KDM4A: variants seen among roughly 807,000 people sequenced by gnomAD.
KDM4A encodes lysine-specific demethylase 4A.
Under a neutral mutation model 127.1 loss-of-function variants are expected in KDM4A, and 23 were observed. The ratio of observed to expected loss-of-function variants is 0.18; its 90% CI spans 0.13 to 0.26. The LOEUF (loss-of-function observed/expected upper bound fraction) is 0.26. Ranked by LOEUF, KDM4A falls within the 10% of genes least tolerant of loss-of-function variation. The pLI is 1.00. For synonymous variants in KDM4A, 443 were observed against 466.5 expected, an observed-to-expected ratio of 0.95 and a Z score of 0.65; for missense variants, 890 against 1,329.1, an observed-to-expected ratio of 0.67 and a Z score of 5.14.
At chr1:43,670,263 C>T (rs532238530) in intron 10 of KDM4A, among the ~76,000 whole-genome samples, 61 of 152,216 alleles carry the variant, frequency 4.0e-4, no homozygotes, top group Non-Finnish European at 6.6e-4. Context: ...TGTGGTCTGC[C>T]GACAGCCAGG....
intron 2 of KDM4A, among the ~76,000 whole-genome samples, chr1:43,654,678 T>C (rs1660195185): frequency 6.7e-6 from 1 of 150,356 alleles, no homozygotes; most frequent in Non-Finnish European, 1.5e-5. Flanking sequence ...GTCCTTTCAG[T>C]GTTGCCTTAT....
At position 43,694,335 on chromosome 1, in the gene KDM4A, G is replaced by C. The variant is rs887645953; in HGVS notation, c.2484+233G>C. On this transcript the variant is annotated intron_variant, in intron 17 of 21. Coordinates refer to ENST00000372396, the MANE Select transcript of KDM4A (RefSeq NM_014663.3). The surrounding 1 kb of genome is among the most constrained non-coding windows in gnomAD (Gnocchi z 5.2). ...AGTTCAAGACCAGCCTGGGCAACAT[G>C]GTGAAACCCCGACTCTACTAAAAAT... Among the ~76,000 whole-genome samples, 1 of 152,010 alleles carries C rather than the reference G, an allele frequency of 6.6e-6. No homozygotes were observed. Among genetic ancestry groups the C allele is most frequent in the African/African-American group, 2.4e-5 (1 of 41,384 alleles).
In KDM4A at chr1:43,694,748, G is replaced by T; in HGVS notation, c.2524G>T (p.Gly842Cys). The T allele has an allele frequency of 6.2e-7, 1 of 1,613,406 alleles. No homozygotes were observed. The highest frequency in any genetic ancestry group is 8.5e-7 in the Non-Finnish European group (1 of 1,179,396). The change falls in exon 18 of 22, where the codon GGC becomes TGC. Residue 842 changes from glycine (G) to cysteine (C), a missense_variant. This residue lies in a region of KDM4A where 246 missense variants were observed against 418.4 expected (regional missense o/e 0.59). Coordinates refer to ENST00000372396, the MANE Select transcript of KDM4A (RefSeq NM_014663.3). The surrounding 1 kb of genome is among the most constrained non-coding windows in gnomAD (Gnocchi z 5.2). ...TAAGAAGCGGAGGAAAAGAACTGCT[G>T]GCTGCTGTGTGCAGTGTTCTCACGG... is the stretch of plus-strand genomic sequence containing the variant. Reference protein sequence around the residue: ...FCKKRRKRTAGCCVQCSHGRC... With the variant: ...FCKKRRKRTACCCVQCSHGRC...
At chr1:43,697,168 C>G (rs1433440156) in intron 18 of KDM4A, among the ~76,000 whole-genome samples, 1 of 152,162 alleles carries the variant, frequency 6.6e-6, no homozygotes, top group East Asian at 1.9e-4. Context: ...GCACATATGG[C>G]ACACTCATTC....
At position 43,661,625 on chromosome 1, in the gene KDM4A, A is replaced by G. The variant is rs918060337; in HGVS notation, c.429+1213A>G. The stretch of plus-strand genomic sequence containing the variant: ...CTCTGTCTCAAAAAAAAAAAAAAAA[A>G]AAAAAAAAAAAAAAAGAATTCCAGT... On this transcript the variant is annotated intron_variant, in intron 4 of 21. Coordinates refer to ENST00000372396, the MANE Select transcript of KDM4A (RefSeq NM_014663.3). Among the ~76,000 whole-genome samples the G allele has an allele frequency of 2.4e-4, 35 of 147,676 alleles. 2 individuals carry two copies. In the South Asian group the frequency reaches 6.5e-3, roughly 27 times the overall value.
In KDM4A at chr1:43,653,387, C is replaced by T; in HGVS notation, c.138+74C>T. 5 of 1,429,094 alleles carry T rather than the reference C, an allele frequency of 3.5e-6. 1 individual carries two copies. The South Asian group carries it at 4.4e-5, about 13-fold the overall frequency. The allele number at this position is 1,429,094 out of a possible 1,614,324, so 88.5% of individuals were successfully genotyped here. A position where few individuals can be genotyped will look rare whatever the true frequency, so the allele number is the denominator to read the frequency against. Reference sequence around the variant, plus strand: ...GTAAGATTTTTTTCCTACATTTGGGCCGGAACTGTGTTTTACTGAAAGTTG... The same window carrying T: ...GTAAGATTTTTTTCCTACATTTGGGTCGGAACTGTGTTTTACTGAAAGTTG... On this transcript the variant is annotated intron_variant, in intron 2 of 21. Coordinates refer to ENST00000372396, the MANE Select transcript of KDM4A (RefSeq NM_014663.3).
intron 5 of KDM4A, 49 bp from the exon 6 acceptor site, chr1:43,665,647 T>A (rs1430381820): frequency 6.3e-7 from 1 of 1,588,298 alleles, no homozygotes; most frequent in East Asian, 2.2e-5. Flanking sequence ...GTCCCTTAGC[T>A]TCTGTACCTG....
intron 19 of KDM4A, chr1:43,703,252 CAT>C (rs200425883): frequency 0.012 from 2,052 of 164,642 alleles, 51 homozygotes; most frequent in African/African-American, 0.047. Flanking sequence ...AAAAAAAACA[CAT>C]GTCTTATAGT....
intron 11 of KDM4A, among the ~76,000 whole-genome samples, chr1:43,675,127 A>G (rs1227185694): frequency 6.6e-6 from 1 of 152,034 alleles, no homozygotes; most frequent in Non-Finnish European, 1.5e-5. Context: ...TGATGATAAT[A>G]CCCTAATAAA....
intron 19 of KDM4A, among the ~76,000 whole-genome samples, chr1:43,698,419 T>A (rs1661297146): frequency 6.6e-6 from 1 of 152,198 alleles, no homozygotes; most frequent in African/African-American, 2.4e-5. Context: ...TTAGTAGATG[T>A]ATAGAATCTG....
intron 4 of KDM4A, among the ~76,000 whole-genome samples, chr1:43,661,175 A>C (rs1415717042): frequency 6.6e-6 from 1 of 151,814 alleles, no homozygotes; most frequent in Non-Finnish European, 1.5e-5. Context: ...GGGTTTCTCC[A>C]TGTTGCTCAG....
chr1:43,699,736 T>A (rs550899605), intron 19 of KDM4A: 1 of 151,984 alleles, frequency 6.6e-6, no homozygotes, highest in South Asian at 2.1e-4. Flanking sequence ...TTTTTTTTTT[T>A]TTTGAGATGG....
At chr1:43,667,239 T>TTA in intron 8 of KDM4A, 148 bp downstream of exon 8, 1 of 883,504 alleles carries the variant, frequency 1.1e-6, no homozygotes, top group South Asian at 1.7e-5. Context: ...TAACATTTTG[T>TTA]GTTCATAAGG....
chr1:43,653,104 A>G lies in KDM4A; in HGVS notation c.-39-33A>G, dbSNP rs1038431997. 9 of 1,128,288 alleles carry G rather than the reference A, an allele frequency of 8.0e-6. No homozygotes were observed. The Admixed American group carries it at 1.7e-4, about 22-fold the overall frequency. 69.9% of individuals were successfully genotyped at this position (1,128,288 alleles called of 1,614,324 possible). A position where few individuals can be genotyped will look rare whatever the true frequency, so the allele number is the denominator to read the frequency against. On this transcript the variant is annotated intron_variant, in intron 1 of 21. Coordinates refer to ENST00000372396, the MANE Select transcript of KDM4A (RefSeq NM_014663.3). ...TTTCCAGCACTTAATTTTAATTTTT[A>G]TATTATTTTATACTCTTAATGTGTT...
At position 43,671,603 on chromosome 1, in the gene KDM4A, C is replaced by T. The variant is rs150730301; in HGVS notation, c.1462C>T (p.Leu488Phe). ...EEEQAAAALD[L>F]SVNPASVGGR... is the part of the protein sequence containing the mutation. ...AGAACAAGCAGCAGCTGCCTTGGAT[C>T]TTTCTGTGAATCCTGCGTCTGTAGG... Residue 488 changes from leucine (L) to phenylalanine (F), a missense_variant, in exon 11 of 22, where the codon CTT (leucine) becomes TTT (phenylalanine). Leu to Phe is a conservative substitution (Grantham distance 22, BLOSUM62 0). Coordinates refer to ENST00000372396, the MANE Select transcript of KDM4A (RefSeq NM_014663.3). 4.4e-5 allele frequency: 71 copies of T among 1,612,796 alleles called. No individual in the cohort carries two copies. The Admixed American group carries it at 5.4e-4, about 12-fold the overall frequency.
intron 3 of KDM4A, among the ~76,000 whole-genome samples, chr1:43,656,627 C>T (rs1660247069): frequency 6.6e-6 from 1 of 151,322 alleles, no homozygotes; most frequent in African/African-American, 2.4e-5. Flanking sequence ...CAAGAGCCAC[C>T]ACTCCTGGCC....
chr1:43,670,988 AACT>A (rs1242348456), intron 10 of KDM4A, among the ~76,000 whole-genome samples: 1 of 152,230 alleles, frequency 6.6e-6, no homozygotes, highest in African/African-American at 2.4e-5. Flanking sequence ...TACAGTTTTG[AACT>A]ACTGCTCCTG....
At chr1:43,661,418 C>A (rs949591464) in intron 4 of KDM4A, among the ~76,000 whole-genome samples, 6 of 151,210 alleles carry the variant, frequency 4.0e-5, no homozygotes, top group African/African-American at 1.5e-4. Context: ...ACCACTCTGG[C>A]TGACATGGTG....
chr1:43,693,198 G>A lies in KDM4A; in HGVS notation c.2376-796G>A, dbSNP rs1199988701. Among the ~76,000 whole-genome samples, 2 of 152,178 alleles carry A rather than the reference G, an allele frequency of 1.3e-5. No individual in the cohort carries two copies. Among genetic ancestry groups the A allele is most frequent in the African/African-American group, 4.8e-5 (2 of 41,450 alleles). ...ATTTGGAGTGGAAATGGCTGTGCTT[G>A]AATCTCTCACCTTTACCTCTGAATG... On this transcript the variant is annotated intron_variant, in intron 16 of 21. Transcript: ENST00000372396. The surrounding 1 kb of genome is among the most constrained non-coding windows in gnomAD (Gnocchi z 4.2).
Sources: allele counts gnomAD v4.1 joint callset (sites outside exome capture counted in the v4.1 genomes callset), GRCh38; gene constraint gnomAD v4.1.1; regional missense constraint gnomAD v4.1.1; non-coding constraint Gnocchi (gnomAD v3.1); transcripts MANE v1.5; gene names NCBI Gene and HGNC (gene_info 2026-07-23, HGNC 2026-07-21).